The following GSN variants were observed in gnomAD, a reference collection of about 807,000 sequenced individuals.
GSN encodes the protein gelsolin.
In GSN, 56 loss-of-function variants were observed where a neutral mutation model predicts 85.7. The observed-to-expected ratio is 0.65, with a 90% CI of 0.53 to 0.82. GSN has a LOEUF of 0.82. GSN is among the 40% of genes least tolerant of loss of function. The probability of loss-of-function intolerance (pLI) is 0.00; values close to 1 mark genes in which losing one functional copy is unlikely to be tolerated. For synonymous variants in GSN, 373 were observed against 399.1 expected (o/e 0.93, Z 0.78); for missense variants, 857 against 979.8 (o/e 0.87, Z 1.67).
At chr9:121,316,743 T>C (rs1280603775) in intron 7 of GSN, among the ~76,000 whole-genome samples, 3 of 152,200 alleles carry the variant, frequency 2.0e-5, no homozygotes, top group African/African-American at 7.2e-5. Context: ...AGCGCTGGGA[T>C]TAAAGGTGTG....
rs1397407031 is a variant in GSN, at chr9:121,327,500, G to A, written c.1762+18G>A. The A allele has an allele frequency of 6.5e-7, 1 of 1,547,700 alleles. No individual in the cohort carries two copies. Among genetic ancestry groups the A allele is most frequent in the African/African-American group, 1.4e-5 (1 of 73,376 alleles). The stretch of plus-strand genomic sequence containing the variant: ...CGAGCCAGGTAGGAGCCGGGGTGGG[G>A]GGCCTGCTGCTGTCCGGATGCAGCT... On this transcript the variant is annotated intron_variant, in intron 14 of 17. Transcript: ENST00000432226.
intron 5 of GSN, 93 bp downstream of exon 5, chr9:121,310,938 G>T: frequency 8.7e-7 from 1 of 1,155,458 alleles, no homozygotes; most frequent in Non-Finnish European, 1.3e-6. Flanking sequence ...ATGCATAGAT[G>T]CAGGTGGGCA....
intron 6 of GSN, among the ~76,000 whole-genome samples, chr9:121,251,184 G>GTTTTTTTTTTTTTTTTTTTTT (rs1339859188): frequency 3.1e-4 from 2 of 6,372 alleles, no homozygotes; most frequent in Admixed American, 1.9e-3. Context: ...CAGCTGATGT[G>GTTTTTTTTTTTTTTTTTTTTT]TTCTTTTTTT....
At chr9:121,253,199 G>C (rs2054876531) in intron 6 of GSN, among the ~76,000 whole-genome samples, 1 of 152,180 alleles carries the variant, frequency 6.6e-6, no homozygotes, top group Non-Finnish European at 1.5e-5. Flanking sequence ...CATCACATTG[G>C]GGTTAGAATG....
upstream of GSN, chr9:121,207,775 C>CAA: frequency 7.8e-6 from 1 of 127,726 alleles, no homozygotes; most frequent in Non-Finnish European, 1.7e-5. Flanking sequence ...TTTTTTTTTT[C>CAA]TTCCTGTCTC....
At chr9:121,256,554 G>A (rs1055338030) in intron 6 of GSN, among the ~76,000 whole-genome samples, 3 of 152,052 alleles carry the variant, frequency 2.0e-5, no homozygotes, top group African/African-American at 7.2e-5. Context: ...GAAGTTGGCT[G>A]AAGGCTACAA....
chr9:121,319,487 C>CTT (rs754579668), intron 10 of GSN, among the ~76,000 whole-genome samples: 2 of 141,082 alleles, frequency 1.4e-5, no homozygotes, highest in African/African-American at 2.6e-5. Context: ...TATGCTTTAT[C>CTT]TTTTTTTTTT....
At position 121,329,338 on chromosome 9, in the gene GSN, C is replaced by T. The variant is rs1244359879; in HGVS notation, c.1965+23C>T. ...CAGGTGGGTGAAGGACAGGTGAAGGCTCTCTGTGCCAGAGGGAGTGGGAGA... is the reference window on the plus strand; with the variant it reads ...CAGGTGGGTGAAGGACAGGTGAAGGTTCTCTGTGCCAGAGGGAGTGGGAGA... On this transcript the variant is annotated intron_variant, in intron 16 of 17. Transcript: ENST00000432226. The surrounding 1 kb of genome is among the most constrained non-coding windows in gnomAD (Gnocchi z 4.6). 1.4e-6 allele frequency: 2 copies of T among 1,387,094 alleles called. No homozygotes were observed. The highest frequency in any genetic ancestry group is 2.3e-5 in the South Asian group (2 of 86,664). The allele number at this position is 1,387,094 out of a possible 1,614,324, so 85.9% of individuals were successfully genotyped here.
chr9:121,257,982 A>G (rs1006193554), intron 6 of GSN, among the ~76,000 whole-genome samples: 1 of 152,246 alleles, frequency 6.6e-6, no homozygotes, highest in African/African-American at 2.4e-5. Context: ...ATGTTTGCTT[A>G]ATAATGTAAG....
intron 2 of GSN, chr9:121,282,826 G>A (rs2057555770): frequency 6.0e-6 from 2 of 333,366 alleles, no homozygotes; most frequent in African/African-American, 2.1e-5. Flanking sequence ...CTCTGTTGAT[G>A]CTTTTGGTGA....
At chr9:121,205,486 GGA>G (rs2132052093), upstream of GSN, among the ~76,000 whole-genome samples, 2 of 152,276 alleles carry the variant, frequency 1.3e-5, no homozygotes, top group South Asian at 4.1e-4. Context: ...GAACACAGAT[GGA>G]GAGAGACAGC....
At position 121,318,913 on chromosome 9, in the gene GSN, G is replaced by A; in HGVS notation, c.1191+33G>A. 6.5e-7 allele frequency: 1 copy of A among 1,538,572 alleles called. No individual in the cohort carries two copies. The highest frequency in any genetic ancestry group is 2.2e-5 in the East Asian group (1 of 44,516). On this transcript the variant is annotated intron_variant, in intron 10 of 17. Transcript: ENST00000432226. This position sits in a 1 kb window ranked among gnomAD's most constrained non-coding sequence, Gnocchi z 4.3. ...TAGGGCGTGGGGTGGGTGTGTCCAG[G>A]CCCCTCCCTCACTTTCCCCATGCAC...
chr9:121,242,881 A>G (rs2054632258), intron 5 of GSN, among the ~76,000 whole-genome samples: 1 of 151,970 alleles, frequency 6.6e-6, no homozygotes, highest in African/African-American at 2.4e-5. Context: ...TCCTATAGAA[A>G]CCCTGCCTGC....
chr9:121,265,231 G>A (rs75140789), upstream of GSN: 3,477 of 152,322 alleles, frequency 0.023, 54 homozygotes, highest in South Asian at 0.036. Context: ...CTCCAGGAGA[G>A]GTCTGTAATC....
chr9:121,246,607 CTCATGAAGAACATAGTTCACAATA>C (rs1344566442), intron 5 of GSN, among the ~76,000 whole-genome samples: 4 of 152,136 alleles, frequency 2.6e-5, no homozygotes. Context: ...GCCACCAAGA[CTCATGAAGAACATAGTTCACAATA>C]TCAGGTCCCT....
intron 8 of GSN, 107 bp downstream of exon 8, chr9:121,317,325 C>A: frequency 1.6e-6 from 2 of 1,223,542 alleles, no homozygotes; most frequent in Non-Finnish European, 2.4e-6. Flanking sequence ...GTGCCTGGTG[C>A]AATGGAAATC....
At chr9:121,270,059 G>A (rs1042706763) in intron 1 of GSN, among the ~76,000 whole-genome samples, 2 of 152,218 alleles carry the variant, frequency 1.3e-5, no homozygotes, top group African/African-American at 4.8e-5. Context: ...TTGTCTAGGT[G>A]AGCCAGACCT....
At chr9:121,327,980 G>GAAGAAAGA (rs376925013) in intron 14 of GSN, among the ~76,000 whole-genome samples, 2 of 152,124 alleles carry the variant, frequency 1.3e-5, no homozygotes, top group African/African-American at 4.8e-5. Context: ...GTCTCAAAAA[G>GAAGAAAGA]AAGAAAGAAA....
chr9:121,247,507 G>C, intron 5 of GSN, among the ~76,000 whole-genome samples: 1 of 152,268 alleles, frequency 6.6e-6, no homozygotes, highest in South Asian at 2.1e-4. Context: ...AACTGAAATC[G>C]TTTTTCTTCA....
Sources: gnomAD v4.1 joint callset for allele counts (sites outside exome capture counted in the v4.1 genomes callset) on GRCh38, gnomAD v4.1.1 for gene constraint, Gnocchi (gnomAD v3.1) non-coding constraint, MANE v1.5 for transcripts, NCBI Gene and HGNC (gene_info 2026-07-23, HGNC 2026-07-21) for gene names.